Variants in DLG2 observed in about 807,000 individuals in gnomAD.
DLG2 encodes the protein disks large homolog 2.
Under a neutral mutation model 132.5 loss-of-function variants are expected in DLG2, and 45 were observed. The observed-to-expected ratio is 0.34, with a 90% CI of 0.27 to 0.44. The LOEUF (loss-of-function observed/expected upper bound fraction) is 0.44, where lower values mean the gene tolerates loss of function less well. DLG2 is among the 20% of genes least tolerant of loss of function. The pLI, the probability that DLG2 is intolerant of heterozygous loss-of-function variation, is 1.00. For missense variants in DLG2, 1,045 were observed against 1,196.9 expected, an observed-to-expected ratio of 0.87 and a Z score of 1.87; for synonymous variants, 424 against 419.6, an observed-to-expected ratio of 1.01 and a Z score of -0.13.
chr11:84,439,479 T>C (rs926092961), intron 7 of DLG2, among the ~76,000 whole-genome samples: 2 of 152,284 alleles, frequency 1.3e-5, no homozygotes. Flanking sequence ...GGTTTGGTTT[T>C]TCCATTAGCT....
intron 4 of DLG2, among the ~76,000 whole-genome samples, chr11:85,254,506 C>T (rs2076563830): frequency 6.6e-6 from 1 of 151,804 alleles, no homozygotes; most frequent in Non-Finnish European, 1.5e-5. Context: ...TCTACACCTT[C>T]TATATTTATT....
intron 3 of DLG2, among the ~76,000 whole-genome samples, chr11:85,368,020 A>C (rs1428134193): frequency 6.6e-6 from 1 of 152,176 alleles, no homozygotes; most frequent in East Asian, 1.9e-4. Flanking sequence ...AAAATTAGAA[A>C]GTTTCTTTGC....
chr11:84,802,325 G>A (rs1313912930), intron 6 of DLG2, among the ~76,000 whole-genome samples: 2 of 152,144 alleles, frequency 1.3e-5, no homozygotes, highest in Non-Finnish European at 2.9e-5. Context: ...GGTATGATAG[G>A]TTAGGGGAAT....
intron 15 of DLG2, among the ~76,000 whole-genome samples, chr11:83,906,255 TCTCACACACACACACACACACACACACA>T (rs1406126333): frequency 9.3e-5 from 9 of 96,930 alleles, no homozygotes; most frequent in Non-Finnish European, 1.5e-4. Context: ...TCTCTCTCTC[TCTCACACACACACACACACACACACACA>T]CACACACACA....
intron 3 of DLG2, among the ~76,000 whole-genome samples, chr11:85,407,480 A>G (rs2088865082): frequency 6.6e-6 from 1 of 151,900 alleles, no homozygotes; most frequent in Non-Finnish European, 1.5e-5. Context: ...GAAGTATTAA[A>G]CAACCAAACA....
intron 6 of DLG2, among the ~76,000 whole-genome samples, chr11:85,004,815 A>T (rs919200713): frequency 6.6e-6 from 1 of 152,064 alleles, no homozygotes; most frequent in Non-Finnish European, 1.5e-5. Context: ...CTATGTCCTG[A>T]ATGGTATTGC....
rs78937938 is a variant in DLG2 at position 84,087,226 on chromosome 11, G to A, written c.749+11697C>T. 3.9e-3 allele frequency among the ~76,000 whole-genome samples: 598 copies of A among 152,230 alleles called. 4 individuals carry two copies. The highest frequency in any genetic ancestry group is 0.014 in the African/African-American group (571 of 41,552). ...TCTATTTTTAGCTGTTAGATGGACT[G>A]CCAGACTGTTTTCTAAAGTAGCTGC... is the stretch of plus-strand genomic sequence containing the variant. On this transcript the variant is annotated intron_variant, in intron 10 of 27. Transcript: ENST00000376104.
chr11:83,980,181 G>C (rs936409911), intron 12 of DLG2, among the ~76,000 whole-genome samples: 173 of 152,130 alleles, frequency 1.1e-3, no homozygotes, highest in African/African-American at 4.0e-3. Context: ...AATCCAATAG[G>C]ACTGGGCCTT....
intron 6 of DLG2, among the ~76,000 whole-genome samples, chr11:84,985,500 G>A (rs553896509): frequency 5.9e-5 from 9 of 151,980 alleles, no homozygotes; most frequent in African/African-American, 2.2e-4. Flanking sequence ...AAAATTCATA[G>A]CCCTAAACGA....
At chr11:85,547,451 AATT>A (rs1445743005) in intron 3 of DLG2, among the ~76,000 whole-genome samples, 3 of 152,202 alleles carry the variant, frequency 2.0e-5, no homozygotes, top group Non-Finnish European at 4.4e-5. Flanking sequence ...TGAATCTGAC[AATT>A]ATGTGTCTTG....
At chr11:85,008,694 G>A (rs1282328065) in intron 6 of DLG2, among the ~76,000 whole-genome samples, 1 of 151,864 alleles carries the variant, frequency 6.6e-6, no homozygotes, top group Non-Finnish European at 1.5e-5. Flanking sequence ...TATTTATTAA[G>A]TCTTACTATA....
At chr11:85,134,226 T>C (rs1406042669) in intron 5 of DLG2, among the ~76,000 whole-genome samples, 1 of 151,586 alleles carries the variant, frequency 6.6e-6, no homozygotes, top group Non-Finnish European at 1.5e-5. Context: ...GGCAGGACCA[T>C]TTCCCACCCC....
chr11:84,758,750 C>A (rs572604233), intron 6 of DLG2, among the ~76,000 whole-genome samples: 106 of 152,112 alleles, frequency 7.0e-4, no homozygotes, highest in Non-Finnish European at 1.4e-3. Context: ...ATTAACATTT[C>A]ATAGGCAAGG....
At chr11:84,854,823 C>G (rs773067594) in intron 6 of DLG2, among the ~76,000 whole-genome samples, 1 of 151,974 alleles carries the variant, frequency 6.6e-6, no homozygotes, top group South Asian at 2.1e-4. Flanking sequence ...CATAGTGATT[C>G]TTTTATTGTG....
chr11:84,324,748 T>C (rs561707483), intron 7 of DLG2, among the ~76,000 whole-genome samples: 1 of 152,304 alleles, frequency 6.6e-6, no homozygotes, highest in Admixed American at 6.5e-5. Context: ...TTCTGTTAAG[T>C]GTGTTCCTCA....
intron 7 of DLG2, among the ~76,000 whole-genome samples, chr11:84,414,123 G>T (rs1012211010): frequency 6.6e-6 from 1 of 151,952 alleles, no homozygotes; most frequent in Non-Finnish European, 1.5e-5. Flanking sequence ...ATACATTCTA[G>T]GTCACTTAAC....
intron 7 of DLG2, among the ~76,000 whole-genome samples, chr11:84,495,131 T>C (rs982447452): frequency 1.1e-4 from 16 of 152,130 alleles, no homozygotes; most frequent in African/African-American, 3.9e-4. Context: ...ATTACCATCG[T>C]ACTTATATAA....
chr11:84,160,649 C>T (rs375337711), intron 9 of DLG2, among the ~76,000 whole-genome samples: 4 of 151,956 alleles, frequency 2.6e-5, no homozygotes, highest in African/African-American at 7.3e-5. Context: ...ATATACTGTG[C>T]CTGAGTTAAA....
intron 6 of DLG2, among the ~76,000 whole-genome samples, chr11:85,056,589 G>A (rs955159835): frequency 6.6e-6 from 1 of 151,934 alleles, no homozygotes; most frequent in Admixed American, 6.6e-5. Context: ...AGCATTATAT[G>A]ATGTATAATG....
Sources: gnomAD v4.1 joint callset for allele counts (sites outside exome capture counted in the v4.1 genomes callset) on GRCh38, gnomAD v4.1.1 for gene constraint, MANE v1.5 for transcripts, NCBI Gene and HGNC (gene_info 2026-07-23, HGNC 2026-07-21) for gene names.